The following EHD2 variants were observed in gnomAD, a reference collection of about 807,000 sequenced individuals.
The protein encoded by EHD2 is EH domain-containing protein 2.
A neutral mutation model predicts 41.0 loss-of-function variants in EHD2; 27 were observed. That is an observed-to-expected ratio of 0.66 (90% CI 0.49 to 0.91). EHD2 has a LOEUF of 0.91. EHD2 is among the 40% of genes least tolerant of loss of function. The pLI is 0.00. For synonymous variants in EHD2, 342 were observed against 341.0 expected, an observed-to-expected ratio of 1.00 and a Z score of -0.03; for missense variants, 673 against 773.9, an observed-to-expected ratio of 0.87 and a Z score of 1.55.
intron 5 of EHD2, among the ~76,000 whole-genome samples, chr19:47,740,244 A>G (rs1047183121): frequency 3.3e-5 from 5 of 151,804 alleles, no homozygotes; most frequent in Non-Finnish European, 5.9e-5. Context: ...GCGCACACCT[A>G]TAGTCCCAGC....
chr19:47,716,319 C>T (rs1427774080), intron 1 of EHD2, among the ~76,000 whole-genome samples: 1 of 151,998 alleles, frequency 6.6e-6, no homozygotes, highest in African/African-American at 2.4e-5. Flanking sequence ...TCAAGCAATC[C>T]TCCTACCTCA....
At position 47,733,751 on chromosome 19, in the gene EHD2, C is replaced by CAAAAAAAAAAAAAAAAAAAAA. The variant is rs34254815; in HGVS notation, c.916-2614_916-2594dup. ...TGGGTGACAGAGCAAGACTCTGTCT[C>CAAAAAAAAAAAAAAAAAAAAA]AAAAAAAAAAAAAAAAAAAAAAAAT... On this transcript the variant is annotated intron_variant, in intron 4 of 5. Transcript: ENST00000263277. 5.1e-4 allele frequency among the ~76,000 whole-genome samples: 29 copies of CAAAAAAAAAAAAAAAAAAAAA among 57,120 alleles called. 2 individuals are homozygous for CAAAAAAAAAAAAAAAAAAAAA. The highest frequency in any genetic ancestry group is 0.012 in the Middle Eastern group (1 of 82). 37.5% of individuals were successfully genotyped at this position (57,120 alleles called of 152,430 possible). A position where few individuals can be genotyped will look rare whatever the true frequency, so the allele number is the denominator to read the frequency against.
chr19:47,726,998 C>T (rs1035446300), intron 4 of EHD2, among the ~76,000 whole-genome samples: 3 of 151,914 alleles, frequency 2.0e-5, no homozygotes, highest in African/African-American at 4.8e-5. Flanking sequence ...AAAATATAGA[C>T]AGACAAATAC....
rs1237437347 is a variant in EHD2, at chr19:47,741,433, G to GT, written c.*1_*2insT. 6.7e-7 allele frequency: 1 copy of GT among 1,486,794 alleles called. No individual in the cohort carries two copies. The highest frequency in any genetic ancestry group is 8.8e-7 in the Non-Finnish European group (1 of 1,131,010). 92.1% of individuals were successfully genotyped at this position (1,486,794 alleles called of 1,614,324 possible). A position where few individuals can be genotyped will look rare whatever the true frequency, so the allele number is the denominator to read the frequency against. ...ACGCCACAAGGGCTCCGCCGAGTGA[G>GT]CCGGCCCCCCTCCCATGGCCCTGCT... is the stretch of plus-strand genomic sequence containing the variant. On this transcript the variant is annotated 3_prime_UTR_variant, in exon 6 of 6. Coordinates refer to ENST00000263277, the MANE Select transcript of EHD2 (RefSeq NM_014601.4). The surrounding 1 kb of genome is among the most constrained non-coding windows in gnomAD (Gnocchi z 4.5).
rs115632436 is a variant in EHD2 at position 47,736,666 on chromosome 19, C to T, written c.1080+133C>T. On this transcript the variant is annotated intron_variant, in intron 5 of 5. Coordinates refer to ENST00000263277, the MANE Select transcript of EHD2 (RefSeq NM_014601.4). ...GGAAAGCGCCTCCCTCAAATAGTTC[C>T]GTGGGAGCATGGTTTTATGAGTCAG... 2.3e-3 allele frequency: 2,258 copies of T among 975,342 alleles called. 47 individuals are homozygous for T. The African/African-American group carries it at 0.034, about 15-fold the overall frequency. 60.4% of individuals were successfully genotyped at this position (975,342 alleles called of 1,614,324 possible).
chr19:47,733,082 C>CA (rs35733061), intron 4 of EHD2: 77,130 of 145,030 alleles, frequency 0.53, 21,420 homozygotes, highest in Non-Finnish European at 0.63. Flanking sequence ...AACCCCATCT[C>CA]AAAAAAAAAA....
intron 2 of EHD2, 90 bp from the exon 3 acceptor site, chr19:47,718,419 A>C: frequency 1.8e-6 from 2 of 1,136,684 alleles, no homozygotes; most frequent in Non-Finnish European, 2.6e-6. Context: ...ATGCTTTGCC[A>C]TGCGGTCCCG....
rs1369670264 is a variant in EHD2 at position 47,719,937 on chromosome 19, G to GGTGTGTGT, written c.502+1337_502+1338insGTGTGTGT. Reference sequence around the variant, plus strand: ...GAGGAGGAGAGAGTGTCCAGCTGTTGGTGTGTATATGTGTGTGTGTGTGTG... The same window carrying GGTGTGTGT: ...GAGGAGGAGAGAGTGTCCAGCTGTTGGTGTGTGTGTGTGTATATGTGTGTGTGTGTGTG... On this transcript the variant is annotated intron_variant, in intron 3 of 5. Transcript: ENST00000263277. The surrounding 1 kb of genome is among the most constrained non-coding windows in gnomAD (Gnocchi z 4.1). 4.2e-5 allele frequency among the ~76,000 whole-genome samples: 4 copies of GGTGTGTGT among 95,772 alleles called. No individual in the cohort carries two copies. Among genetic ancestry groups the GGTGTGTGT allele is most frequent in the Non-Finnish European group, 8.4e-5 (4 of 47,846 alleles). 62.8% of individuals were successfully genotyped at this position (95,772 alleles called of 152,430 possible).
chr19:47,737,163 G>A (rs539611192), intron 5 of EHD2, among the ~76,000 whole-genome samples: 18 of 149,642 alleles, frequency 1.2e-4, no homozygotes, highest in African/African-American at 2.0e-4. Context: ...CCCGGGAGGC[G>A]GAGCTTGCAC....
intron 4 of EHD2, chr19:47,731,275 AAAAAATAT>A (rs1429353424): frequency 8.0e-5 from 2 of 25,154 alleles, no homozygotes; most frequent in African/African-American, 2.1e-4. Context: ...TTTAAAAAAA[AAAAAATAT>A]ATATATATAT....
rs530935342 is a variant in EHD2, at chr19:47,723,081, C to G, written c.503-2731C>G. On this transcript the variant is annotated intron_variant, in intron 3 of 5. Coordinates refer to ENST00000263277, the MANE Select transcript of EHD2 (RefSeq NM_014601.4). ...CCCTCCTCCTGGAAGTCCTCCTTGA[C>G]CCCCAGGCTGGGGGTTGGGTCAGGC... Among the ~76,000 whole-genome samples, 79 of 152,304 alleles carry G rather than the reference C, an allele frequency of 5.2e-4. 2 individuals carry two copies. The South Asian group carries it at 0.011, about 21-fold the overall frequency.
At position 47,736,366 on chromosome 19, in the gene EHD2, C is replaced by G. The variant is rs1236959755; in HGVS notation, c.916-3C>G. 1 of 1,610,874 alleles carries G rather than the reference C, an allele frequency of 6.2e-7. No homozygotes were observed. Among genetic ancestry groups the G allele is most frequent in the South Asian group, 1.1e-5 (1 of 90,298 alleles). On this transcript the variant is annotated splice_polypyrimidine_tract_variant and splice_region_variant and intron_variant, in intron 4 of 5. Coordinates refer to ENST00000263277, the MANE Select transcript of EHD2 (RefSeq NM_014601.4). ...CAGGCTGAGGTGAGAACCCTTCCCA[C>G]AGGTTCACGCTTACATCATCAGCTA... is the stretch of plus-strand genomic sequence containing the variant.
intron 5 of EHD2, among the ~76,000 whole-genome samples, chr19:47,737,851 G>C (rs975768129): frequency 1.3e-5 from 2 of 150,482 alleles, no homozygotes; most frequent in African/African-American, 4.9e-5. Flanking sequence ...TGGGACTACA[G>C]GCACATGCCA....
At chr19:47,723,611 G>C (rs897557531) in intron 3 of EHD2, among the ~76,000 whole-genome samples, 20 of 142,000 alleles carry the variant, frequency 1.4e-4, no homozygotes, top group African/African-American at 2.1e-4. Flanking sequence ...ACCTGAGATC[G>C]CGCCACTGCA....
At chr19:47,730,938 T>C (rs934769565) in intron 4 of EHD2, among the ~76,000 whole-genome samples, 2 of 151,978 alleles carry the variant, frequency 1.3e-5, no homozygotes, top group Non-Finnish European at 2.9e-5. Context: ...AATTACTTTT[T>C]AGTGGGGAAG....
At chr19:47,729,333 A>T (rs1973784829) in intron 4 of EHD2, among the ~76,000 whole-genome samples, 1 of 152,012 alleles carries the variant, frequency 6.6e-6, no homozygotes, top group Non-Finnish European at 1.5e-5. Context: ...GTGTCCGGGA[A>T]TCTGTGCTTT....
rs567514457 is a variant in EHD2 at position 47,741,203 on chromosome 19, G to C, written c.1403G>C (p.Ser468Thr). ...YNLAPADGKL[S>T]GSKAKTWMVG... The stretch of plus-strand genomic sequence containing the variant: ...CTGGCGCCTGCCGACGGCAAGCTGA[G>C]CGGCTCCAAGGCCAAGACCTGGATG... Residue 468 changes from serine (S) to threonine (T), a missense_variant, in exon 6 of 6, where the codon AGC (serine) becomes ACC (threonine). Transcript: ENST00000263277. The surrounding 1 kb of genome is among the most constrained non-coding windows in gnomAD (Gnocchi z 4.5). 2 of 1,614,158 alleles carry C rather than the reference G, an allele frequency of 1.2e-6. No individual in the cohort carries two copies. Among genetic ancestry groups the C allele is most frequent in the South Asian group, 2.2e-5 (2 of 91,092 alleles).
rs189498901 is a variant in EHD2 at position 47,721,565 on chromosome 19, C to T, written c.502+2959C>T. ...TCCTGACCTCGTGATCCACCCACCTCGGCCTCCCAAAGTGTTGGGATTACA... is the reference window on the plus strand; with the variant it reads ...TCCTGACCTCGTGATCCACCCACCTTGGCCTCCCAAAGTGTTGGGATTACA... On this transcript the variant is annotated intron_variant, in intron 3 of 5. Coordinates refer to ENST00000263277, the MANE Select transcript of EHD2 (RefSeq NM_014601.4). 2.6e-3 allele frequency among the ~76,000 whole-genome samples: 392 copies of T among 151,960 alleles called. 1 individual carries two copies. Among genetic ancestry groups the T allele is most frequent in the Non-Finnish European group, 2.4e-3 (160 of 67,964 alleles).
At position 47,724,695 on chromosome 19, in the gene EHD2, G is replaced by A. The variant is rs984838967; in HGVS notation, c.503-1117G>A. Among the ~76,000 whole-genome samples the A allele has an allele frequency of 2.6e-5, 4 of 152,198 alleles. No homozygotes were observed. In the South Asian group the frequency reaches 8.3e-4, roughly 32 times the overall value. Reference sequence around the variant, plus strand: ...AGAATCTTGTCTGTGTGTTCTCTGCGGTATCCCAGGCTCCCAGGACAGGGC... The same window carrying A: ...AGAATCTTGTCTGTGTGTTCTCTGCAGTATCCCAGGCTCCCAGGACAGGGC... On this transcript the variant is annotated intron_variant, in intron 3 of 5. Coordinates refer to ENST00000263277, the MANE Select transcript of EHD2 (RefSeq NM_014601.4).
Sources: allele counts gnomAD v4.1 joint callset (sites outside exome capture counted in the v4.1 genomes callset), GRCh38; gene constraint gnomAD v4.1.1; non-coding constraint Gnocchi (gnomAD v3.1); transcripts MANE v1.5; gene names NCBI Gene and HGNC (gene_info 2026-07-23, HGNC 2026-07-21).